The following PCBP3 variants were observed in gnomAD, a reference collection of about 807,000 sequenced individuals.
The protein encoded by PCBP3 is poly(rC)-binding protein 3.
A neutral mutation model predicts 52.7 loss-of-function variants in PCBP3; 25 were observed. That is an observed-to-expected ratio of 0.47 (90% confidence interval 0.35 to 0.66). PCBP3 has a LOEUF of 0.66. PCBP3 is among the 30% of genes least tolerant of loss of function. The probability of loss-of-function intolerance (pLI) is 0.01; values close to 1 mark genes in which losing one functional copy is unlikely to be tolerated. For synonymous variants in PCBP3, 162 were observed against 183.0 expected (o/e 0.89, Z 0.93); for missense variants, 391 against 490.3 (o/e 0.80, Z 1.91).
intron 4 of PCBP3, among the ~76,000 whole-genome samples, chr21:45,778,307 C>T (rs984169559): frequency 6.6e-6 from 1 of 152,156 alleles, no homozygotes; most frequent in Non-Finnish European, 1.5e-5. Context: ...CCACTAGAGG[C>T]AGCATTGGAT....
At chr21:45,873,053 A>T (rs749179144) in intron 5 of PCBP3, 1 of 152,118 alleles carries the variant, frequency 6.6e-6, no homozygotes, top group Non-Finnish European at 1.5e-5. Flanking sequence ...CCTCGGTGAT[A>T]CGGGCGAGCG....
At chr21:45,745,094 C>T (rs1312185188) in intron 3 of PCBP3, among the ~76,000 whole-genome samples, 1 of 152,138 alleles carries the variant, frequency 6.6e-6, no homozygotes, top group Non-Finnish European at 1.5e-5. Context: ...AGAGGGACCC[C>T]ATGGGGTTGT....
chr21:45,901,164 C>CCCAGGGAG, intron 9 of PCBP3, 51 bp downstream of exon 9: 1 of 1,322,480 alleles, frequency 7.6e-7, no homozygotes, highest in Non-Finnish European at 1.1e-6. Flanking sequence ...CAGGCCTGGT[C>CCCAGGGAG]CCAGCTGGCT....
rs146292717 is a variant in PCBP3 at position 45,817,650 on chromosome 21, CGT to C, written c.-125-32306_-125-32305del. On this transcript the variant is annotated intron_variant, in intron 4 of 17. Transcript: ENST00000681687. The surrounding 1 kb of genome is among the most constrained non-coding windows in gnomAD (Gnocchi z 4.3). ...AGAAAGCAGCCGGCGAGGAGCTCAGCGTGTGTCTCCGCCGGGTGAAAGATCAC... is the reference window on the plus strand; with the variant it reads ...AGAAAGCAGCCGGCGAGGAGCTCAGCGTGTCTCCGCCGGGTGAAAGATCAC... Among the ~76,000 whole-genome samples the C allele has an allele frequency of 0.014, 2,200 of 152,288 alleles. 52 individuals are homozygous for C. The highest frequency in any genetic ancestry group is 0.051 in the African/African-American group (2,101 of 41,542).
At chr21:45,673,065 T>C (rs1023509619) in intron 2 of PCBP3, among the ~76,000 whole-genome samples, 2 of 152,214 alleles carry the variant, frequency 1.3e-5, no homozygotes, top group East Asian at 1.9e-4. Context: ...CTGTATAAAA[T>C]AGGTCTTCTC....
intron 1 of PCBP3, among the ~76,000 whole-genome samples, chr21:45,645,055 T>A (rs1603043283): frequency 6.6e-6 from 1 of 152,336 alleles, no homozygotes; most frequent in Middle Eastern, 3.4e-3. Context: ...AAAAGGAGTG[T>A]TTGTAGAACA....
At chr21:45,648,771 T>G (rs2079491599) in intron 1 of PCBP3, among the ~76,000 whole-genome samples, 1 of 152,246 alleles carries the variant, frequency 6.6e-6, no homozygotes, top group Admixed American at 6.5e-5. Context: ...TACCCATACT[T>G]TGGCCACTTG....
At chr21:45,727,788 C>A (rs186597266) in intron 2 of PCBP3, among the ~76,000 whole-genome samples, 14 of 152,260 alleles carry the variant, frequency 9.2e-5, no homozygotes, top group African/African-American at 2.9e-4. Flanking sequence ...TTTGCTATTT[C>A]TAGGAATTGG....
chr21:45,819,465 A>T lies in PCBP3; in HGVS notation c.-125-30496A>T, dbSNP rs2093062359. On this transcript the variant is annotated intron_variant, in intron 4 of 17. Transcript: ENST00000681687. The stretch of plus-strand genomic sequence containing the variant: ...GACGGGATGAAGGGCATGTTCATCA[A>T]GTAAGCGGATGCAGGTGCAGAGACC... Among the ~76,000 whole-genome samples the T allele has an allele frequency of 4.6e-5, 7 of 152,230 alleles. No homozygotes were observed. The South Asian group carries it at 1.2e-3, about 27-fold the overall frequency.
In PCBP3 at chr21:45,741,648, GTATATT is replaced by G. The variant is rs920936286; in HGVS notation, c.-162+6224_-162+6229del. On this transcript the variant is annotated intron_variant, in intron 3 of 17. Transcript: ENST00000681687. The surrounding 1 kb of genome is among the most constrained non-coding windows in gnomAD (Gnocchi z 4.5). The stretch of plus-strand genomic sequence containing the variant: ...CGAATTATTTGCTTTTAAAAACTGT[GTATATT>G]TATAGTTTTATTAAAAATAAAAAAT... 1.3e-5 allele frequency among the ~76,000 whole-genome samples: 2 copies of G among 152,080 alleles called. No homozygotes were observed. Among genetic ancestry groups the G allele is most frequent in the African/African-American group, 4.8e-5 (2 of 41,412 alleles).
chr21:45,673,392 C>T lies in PCBP3; in HGVS notation c.-200+4440C>T, dbSNP rs187140384. Among the ~76,000 whole-genome samples the T allele has an allele frequency of 2.9e-3, 438 of 152,010 alleles. 3 individuals carry two copies. Among genetic ancestry groups the T allele is most frequent in the Non-Finnish European group, 2.3e-3 (158 of 67,966 alleles). On this transcript the variant is annotated intron_variant, in intron 2 of 17. Transcript: ENST00000681687. ...TGGAAAATCAAACCTTTTCTGATTT[C>T]TTACAAGAAGAAAAAATAAGACACT...
intron 4 of PCBP3, among the ~76,000 whole-genome samples, chr21:45,845,677 A>G (rs2093795252): frequency 6.7e-6 from 1 of 149,754 alleles, no homozygotes; most frequent in Non-Finnish European, 1.5e-5. Context: ...ATGTGCATGC[A>G]TGTGTGTGAG....
At chr21:45,765,639 C>T (rs143015768) in intron 4 of PCBP3, among the ~76,000 whole-genome samples, 1 of 152,164 alleles carries the variant, frequency 6.6e-6, no homozygotes, top group African/African-American at 2.4e-5. Flanking sequence ...CCATTGTCTG[C>T]CTTCCTGAGG....
At chr21:45,671,581 C>T (rs540079797) in intron 2 of PCBP3, among the ~76,000 whole-genome samples, 22 of 152,230 alleles carry the variant, frequency 1.4e-4, no homozygotes, top group Non-Finnish European at 3.1e-4. Flanking sequence ...GGCCACTAGA[C>T]ACTCACCTGG....
chr21:45,652,729 C>T (rs1007573888), intron 1 of PCBP3, among the ~76,000 whole-genome samples: 2 of 152,282 alleles, frequency 1.3e-5, no homozygotes, highest in African/African-American at 4.8e-5. Context: ...AGGTGTGAGC[C>T]ACCACGCCCG....
chr21:45,906,107 A>G (rs2839049), intron 9 of PCBP3, among the ~76,000 whole-genome samples: 71,092 of 152,100 alleles, frequency 0.47, 18,541 homozygotes, highest in African/African-American at 0.71. Context: ...CCAGGGCGTG[A>G]CTGTCCAAGT....
At chr21:45,799,726 C>T (rs1254883049) in intron 4 of PCBP3, among the ~76,000 whole-genome samples, 4 of 152,108 alleles carry the variant, frequency 2.6e-5, no homozygotes, top group South Asian at 4.1e-4. Context: ...CACGCGTCCA[C>T]GGCAGGGCCA....
At chr21:45,688,486 A>G (rs527981422) in intron 2 of PCBP3, among the ~76,000 whole-genome samples, 4 of 152,332 alleles carry the variant, frequency 2.6e-5, no homozygotes, top group Admixed American at 6.5e-5. Context: ...GTGGTTACGT[A>G]GAAGTGTACA....
At chr21:45,831,908 A>G (rs1163422423) in intron 4 of PCBP3, among the ~76,000 whole-genome samples, 3 of 152,138 alleles carry the variant, frequency 2.0e-5, no homozygotes, top group Non-Finnish European at 4.4e-5. Context: ...ACAGGATTTC[A>G]TAATGTTGGC....
Sources: gnomAD v4.1 joint callset for allele counts (sites outside exome capture counted in the v4.1 genomes callset) on GRCh38, gnomAD v4.1.1 for gene constraint, Gnocchi (gnomAD v3.1) non-coding constraint, MANE v1.5 for transcripts, NCBI Gene and HGNC (gene_info 2026-07-23, HGNC 2026-07-21) for gene names.